CHN2: variants seen among roughly 807,000 people sequenced by gnomAD.
CHN2 encodes chimerin 2.
Under a neutral mutation model 56.3 loss-of-function variants are expected in CHN2, and 35 were observed. That is an observed-to-expected ratio of 0.62 (90% CI 0.47 to 0.82). The LOEUF is 0.82. CHN2 is among the 40% of genes least tolerant of loss of function. The pLI is 0.00. For missense variants in CHN2, 491 were observed against 580.5 expected, an observed-to-expected ratio of 0.85 and a Z score of 1.58; for synonymous variants, 210 against 212.8, an observed-to-expected ratio of 0.99 and a Z score of 0.12.
intron 1 of CHN2, among the ~76,000 whole-genome samples, chr7:29,251,753 C>T (rs913084802): frequency 2.7e-4 from 41 of 152,146 alleles, no homozygotes; most frequent in African/African-American, 9.4e-4. Flanking sequence ...TACATGAAAA[C>T]TGTGAGTGTT....
chr7:29,421,064 A>C (rs1804296628), intron 6 of CHN2, among the ~76,000 whole-genome samples: 1 of 152,202 alleles, frequency 6.6e-6, no homozygotes, highest in African/African-American at 2.4e-5. Flanking sequence ...AAGTGCTAGG[A>C]TTACAGGCGT....
At chr7:29,222,801 A>G (rs1242003630) in intron 1 of CHN2, among the ~76,000 whole-genome samples, 1 of 152,202 alleles carries the variant, frequency 6.6e-6, no homozygotes, top group South Asian at 2.1e-4. Flanking sequence ...AGCAATACTA[A>G]CTAAAGAAGA....
chr7:29,371,981 A>G (rs1015024478), intron 3 of CHN2, among the ~76,000 whole-genome samples: 4 of 152,076 alleles, frequency 2.6e-5, no homozygotes, highest in African/African-American at 9.7e-5. Flanking sequence ...CCTGCAGCTC[A>G]CATATACACA....
chr7:29,318,208 G>T (rs1309421453), intron 1 of CHN2, among the ~76,000 whole-genome samples: 2 of 152,088 alleles, frequency 1.3e-5, no homozygotes, highest in Non-Finnish European at 2.9e-5. Context: ...TGGATCTTGG[G>T]GCAAGGATCA....
rs753479565 is a variant in CHN2, at chr7:29,512,612, G to A, written c.1284G>A (p.Gly428=). ...KDNFMNAENL[G]IVFGPTLMRP... Reference sequence around the variant, plus strand: ...ATTTCATGAATGCAGAAAATCTGGGGATCGTGTTTGGGCCCACTCTGATGA... The same window carrying A: ...ATTTCATGAATGCAGAAAATCTGGGAATCGTGTTTGGGCCCACTCTGATGA... Residue 428 remains glycine (G), a synonymous_variant, in exon 13 of 13, where the codon GGG becomes GGA. Transcript: ENST00000222792. 1.9e-6 allele frequency: 3 copies of A among 1,613,456 alleles called. No homozygotes were observed. The highest frequency in any genetic ancestry group is 8.5e-7 in the Non-Finnish European group (1 of 1,179,868).
intron 7 of CHN2, among the ~76,000 whole-genome samples, chr7:29,493,036 A>G (rs1046215796): frequency 1.4e-4 from 22 of 152,174 alleles, no homozygotes; most frequent in Non-Finnish European, 1.8e-4. Context: ...TTAGGTCAAG[A>G]ATGAACCACA....
chr7:29,208,359 G>A (rs991284482), intron 1 of CHN2, among the ~76,000 whole-genome samples: 1 of 152,152 alleles, frequency 6.6e-6, no homozygotes, highest in African/African-American at 2.4e-5. Flanking sequence ...TCACGGGAGT[G>A]TGAAGACAAA....
intron 1 of CHN2, among the ~76,000 whole-genome samples, chr7:29,198,224 A>AG (rs1208538531): frequency 6.6e-6 from 1 of 152,226 alleles, no homozygotes; most frequent in Non-Finnish European, 1.5e-5. Flanking sequence ...ACAGAGGTGA[A>AG]GTCAACATGG....
intron 1 of CHN2, among the ~76,000 whole-genome samples, chr7:29,346,034 CA>C (rs1797409244): frequency 6.6e-6 from 1 of 152,068 alleles, no homozygotes; most frequent in Non-Finnish European, 1.5e-5. Flanking sequence ...GCAGAGTTTC[CA>C]AAGAGAATAC....
chr7:29,289,219 A>G (rs933068982), intron 1 of CHN2: 3 of 152,230 alleles, frequency 2.0e-5, no homozygotes, highest in Non-Finnish European at 4.4e-5. Flanking sequence ...TTTGAGTCCA[A>G]TTTCCTCTTT....
rs375526464 is a variant in CHN2 at position 29,406,586 on chromosome 7, C to G, written c.576+5758C>G. On this transcript the variant is annotated intron_variant, in intron 6 of 12. Transcript: ENST00000222792. ...CCCCTCCCCGCCCTGGCATGCTGCA[C>G]ACCACCTTTATGAGAGTTCATCACC... 1.7e-4 allele frequency among the ~76,000 whole-genome samples: 26 copies of G among 152,192 alleles called. No homozygotes were observed. The East Asian group carries it at 2.5e-3, about 15-fold the overall frequency.
rs947381672 is a variant in CHN2 at position 29,380,870 on chromosome 7, T to C, written c.145-12809T>C. 3 of 152,148 alleles carry C rather than the reference T, an allele frequency of 2.0e-5. No individual in the cohort carries two copies. In the South Asian group the frequency reaches 6.2e-4, roughly 32 times the overall value. The allele number at this position is 152,148 out of a possible 1,614,324, so 9.4% of individuals were successfully genotyped here. On this transcript the variant is annotated intron_variant, in intron 3 of 12. Coordinates refer to ENST00000222792, the MANE Select transcript of CHN2 (RefSeq NM_004067.4). ...ATGAAGATGAATTAAGGATTGGAAA[T>C]TGGGACCTATTAGAAAAGGTCAAAG...
At chr7:29,281,911 G>A (rs1791749684) in intron 1 of CHN2, among the ~76,000 whole-genome samples, 1 of 152,300 alleles carries the variant, frequency 6.6e-6, no homozygotes, top group East Asian at 1.9e-4. Context: ...GTGCGTCAGA[G>A]GATGTCAGCT....
At chr7:29,428,831 C>T (rs1805138322) in intron 6 of CHN2, among the ~76,000 whole-genome samples, 1 of 151,988 alleles carries the variant, frequency 6.6e-6, no homozygotes, top group South Asian at 2.1e-4. Context: ...TGATGCAACC[C>T]ACAGAAGCAA....
chr7:29,460,936 G>A (rs1016865614), intron 6 of CHN2, among the ~76,000 whole-genome samples: 1 of 152,194 alleles, frequency 6.6e-6, no homozygotes, highest in Non-Finnish European at 1.5e-5. Flanking sequence ...GGGTTGCTTA[G>A]ATAGATGCTT....
intron 1 of CHN2, among the ~76,000 whole-genome samples, chr7:29,289,757 C>T (rs549859944): frequency 5.9e-5 from 9 of 152,272 alleles, no homozygotes; most frequent in Admixed American, 3.9e-4. Flanking sequence ...CTATCAACGC[C>T]GCACTGTTTT....
At chr7:29,370,815 A>G (rs1799549804) in intron 3 of CHN2, among the ~76,000 whole-genome samples, 1 of 152,186 alleles carries the variant, frequency 6.6e-6, no homozygotes, top group African/African-American at 2.4e-5. Context: ...TACTTAGTAG[A>G]CTTTGCTGCA....
chr7:29,379,925 G>C (rs901950093), intron 3 of CHN2, among the ~76,000 whole-genome samples: 1 of 152,184 alleles, frequency 6.6e-6, no homozygotes, highest in Non-Finnish European at 1.5e-5. Context: ...GAATTATTTT[G>C]GGAGGAGTGC....
chr7:29,177,637 T>C (rs535872614), intron 2 of CHN2, among the ~76,000 whole-genome samples: 1 of 151,970 alleles, frequency 6.6e-6, no homozygotes, highest in Non-Finnish European at 1.5e-5. Context: ...TCCATCTGTT[T>C]ATCTATCTGT....
Sources: allele counts gnomAD v4.1 joint callset (sites outside exome capture counted in the v4.1 genomes callset), GRCh38; gene constraint gnomAD v4.1.1; transcripts MANE v1.5; gene names NCBI Gene and HGNC (gene_info 2026-07-23, HGNC 2026-07-21).